The following ELOVL4 variants were observed in gnomAD, a reference collection of about 807,000 sequenced individuals.
ELOVL4 encodes ELOVL fatty acid elongase 4.
A neutral mutation model predicts 42.1 loss-of-function variants in ELOVL4; 18 were observed. The ratio of observed to expected loss-of-function variants is 0.43; its 90% CI spans 0.30 to 0.63. The LOEUF is 0.63. Ranked by LOEUF, ELOVL4 falls within the 30% of genes least tolerant of loss-of-function variation. ELOVL4 has a pLI of 0.15. For missense variants in ELOVL4, 299 were observed against 376.2 expected, an observed-to-expected ratio of 0.79 and a Z score of 1.70; for synonymous variants, 117 against 127.0, an observed-to-expected ratio of 0.92 and a Z score of 0.53.
chr6:79,938,691 T>G (rs530102366), intron 1 of ELOVL4, among the ~76,000 whole-genome samples: 1 of 152,370 alleles, frequency 6.6e-6, no homozygotes, highest in East Asian at 1.9e-4. Context: ...TGTAGTTTAA[T>G]CTCATACACC....
At chr6:79,923,914 T>C (rs1774299832) in intron 3 of ELOVL4, among the ~76,000 whole-genome samples, 1 of 152,174 alleles carries the variant, frequency 6.6e-6, no homozygotes, top group Admixed American at 6.5e-5. Flanking sequence ...TGAATACTGA[T>C]ATTTATATAT....
At chr6:79,937,415 G>C (rs1774562760) in intron 1 of ELOVL4, among the ~76,000 whole-genome samples, 1 of 152,138 alleles carries the variant, frequency 6.6e-6, no homozygotes, top group Non-Finnish European at 1.5e-5. Flanking sequence ...AGTTAACACA[G>C]ATGAGAGAAT....
intron 3 of ELOVL4, 58 bp from the exon 4 acceptor site, chr6:79,921,854 AC>A: frequency 6.5e-7 from 1 of 1,527,722 alleles, no homozygotes. Flanking sequence ...ATGGGTTTAT[AC>A]TCATTGTAAG....
At chr6:79,939,750 G>A (rs1315364926) in intron 1 of ELOVL4, among the ~76,000 whole-genome samples, 2 of 151,824 alleles carry the variant, frequency 1.3e-5, no homozygotes, top group African/African-American at 4.8e-5. Flanking sequence ...AGTGATCCTT[G>A]AGCCTCCACC....
Position 79,916,544 on chromosome 6 carries a change from C to G in ELOVL4, c.*64G>C. The stretch of plus-strand genomic sequence containing the variant: ...AAGCTCTCCTTTGCTTCTGTTTTCC[C>G]TGAAATTTTATATGATATGGGAGTT... On this transcript the variant is annotated 3_prime_UTR_variant, in exon 6 of 6. Transcript: ENST00000369816. 6.2e-7 allele frequency: 1 copy of G among 1,603,024 alleles called. No homozygotes were observed. Among genetic ancestry groups the G allele is most frequent in the South Asian group, 1.1e-5 (1 of 89,994 alleles).
chr6:79,923,682 C>T (rs564217999), intron 3 of ELOVL4, among the ~76,000 whole-genome samples: 1 of 152,290 alleles, frequency 6.6e-6, no homozygotes, highest in African/African-American at 2.4e-5. Flanking sequence ...TCTGCCTTCT[C>T]ACCCTCACTA....
At chr6:79,931,044 G>A (rs1337794799) in intron 1 of ELOVL4, among the ~76,000 whole-genome samples, 2 of 152,104 alleles carry the variant, frequency 1.3e-5, no homozygotes, top group South Asian at 2.1e-4. Flanking sequence ...ATCCAAATAT[G>A]TTTTATGTAG....
chr6:79,941,486 G>T (rs117501717), intron 1 of ELOVL4, among the ~76,000 whole-genome samples: 4 of 152,236 alleles, frequency 2.6e-5, no homozygotes, highest in Non-Finnish European at 5.9e-5. Flanking sequence ...GCTTCTAAAT[G>T]ACTTAATGGC....
chr6:79,918,440 TG>T (rs1774196292), intron 5 of ELOVL4, among the ~76,000 whole-genome samples: 1 of 152,162 alleles, frequency 6.6e-6, no homozygotes, highest in African/African-American at 2.4e-5. Flanking sequence ...TACTACTTAC[TG>T]AGAGAAATGA....
At chr6:79,917,229 G>A (rs1283456048) in intron 5 of ELOVL4, among the ~76,000 whole-genome samples, 1 of 152,114 alleles carries the variant, frequency 6.6e-6, no homozygotes, top group African/African-American at 2.4e-5. Flanking sequence ...CTAGAAGGCA[G>A]GGCTTTGTCT....
intron 1 of ELOVL4, among the ~76,000 whole-genome samples, chr6:79,929,528 ACCATGCCCAGC>A (rs1227335754): frequency 3.9e-5 from 6 of 152,228 alleles, no homozygotes. Context: ...GGCGTGAGCC[ACCATGCCCAGC>A]CCATGCAGCC....
At chr6:79,926,489 T>C (rs1404263633) in intron 1 of ELOVL4, 108 bp from the exon 2 acceptor site, 2 of 1,090,226 alleles carry the variant, frequency 1.8e-6, no homozygotes, top group African/African-American at 3.1e-5. Context: ...TTTGACTAAA[T>C]ACGGATCACT....
intron 1 of ELOVL4, among the ~76,000 whole-genome samples, chr6:79,942,145 A>C (rs576570400): frequency 5.9e-5 from 9 of 152,286 alleles, no homozygotes; most frequent in African/African-American, 2.2e-4. Flanking sequence ...GGACATGTAC[A>C]CATTTTACTT....
intron 1 of ELOVL4, among the ~76,000 whole-genome samples, chr6:79,942,505 T>G (rs898592213): frequency 6.6e-6 from 1 of 152,150 alleles, no homozygotes; most frequent in Admixed American, 6.5e-5. Flanking sequence ...ACGTTAATAA[T>G]GTTAAAGCAT....
intron 5 of ELOVL4, among the ~76,000 whole-genome samples, chr6:79,918,646 CAT>C (rs1774199364): frequency 6.6e-6 from 1 of 152,200 alleles, no homozygotes; most frequent in African/African-American, 2.4e-5. Flanking sequence ...AAATTGTGCA[CAT>C]GCTATGATTA....
At chr6:79,932,742 G>C (rs1036001954) in intron 1 of ELOVL4, among the ~76,000 whole-genome samples, 8 of 152,148 alleles carry the variant, frequency 5.3e-5, no homozygotes, top group Admixed American at 5.2e-4. Flanking sequence ...CTTGGTCCCT[G>C]ATCTCTCAAT....
At chr6:79,947,159 T>C in intron 1 of ELOVL4, 21 bp downstream of exon 1, 2 of 1,597,044 alleles carry the variant, frequency 1.3e-6, no homozygotes, top group Non-Finnish European at 1.7e-6. Flanking sequence ...CGAGCGAGGA[T>C]GGGGAAGTCA....
chr6:79,916,191 G>C lies in ELOVL4; in HGVS notation c.*417C>G, dbSNP rs1774157016. The C allele has an allele frequency of 5.3e-6, 1 of 190,028 alleles. No homozygotes were observed. Among genetic ancestry groups the C allele is most frequent in the Admixed American group, 5.4e-5 (1 of 18,582 alleles). 11.8% of individuals were successfully genotyped at this position (190,028 alleles called of 1,614,324 possible). A position where few individuals can be genotyped will look rare whatever the true frequency, so the allele number is the denominator to read the frequency against. ...TTGGACAAGAAAATGTAACACCACT[G>C]ATTTCAGTCAGTAGATAAGATAATT... On this transcript the variant is annotated 3_prime_UTR_variant, in exon 6 of 6. Coordinates refer to ENST00000369816, the MANE Select transcript of ELOVL4 (RefSeq NM_022726.4).
At chr6:79,920,722 T>C (rs1393226300) in intron 4 of ELOVL4, among the ~76,000 whole-genome samples, 1 of 152,206 alleles carries the variant, frequency 6.6e-6, no homozygotes, top group Non-Finnish European at 1.5e-5. Context: ...ACATTATCTG[T>C]GGTTGTTTGG....
Sources: gnomAD v4.1 joint callset for allele counts (sites outside exome capture counted in the v4.1 genomes callset) on GRCh38, gnomAD v4.1.1 for gene constraint, MANE v1.5 for transcripts, NCBI Gene and HGNC (gene_info 2026-07-23, HGNC 2026-07-21) for gene names.